CFHR2: variants seen among roughly 807,000 people sequenced by gnomAD.
CFHR2 encodes the protein complement factor H-related protein 2.
In CFHR2, 22 loss-of-function variants were observed where a neutral mutation model predicts 21.7. That is an observed-to-expected ratio of 1.01 (90% CI 0.72 to 1.45). The LOEUF (loss-of-function observed/expected upper bound fraction) is 1.45, where lower values mean the gene tolerates loss of function less well. Ranked by LOEUF, CFHR2 falls within the 40% of genes most tolerant of loss-of-function variation. The probability of loss-of-function intolerance (pLI) is 0.00; values close to 1 mark genes in which losing one functional copy is unlikely to be tolerated. For missense variants in CFHR2, 294 were observed against 293.3 expected, an observed-to-expected ratio of 1.00 and a Z score of -0.02; for synonymous variants, 98 against 97.4, an observed-to-expected ratio of 1.01 and a Z score of -0.04.
chr1:196,953,398 T>C (rs1173783259), intron 3 of CFHR2, among the ~76,000 whole-genome samples: 1 of 152,156 alleles, frequency 6.6e-6, no homozygotes, highest in South Asian at 2.1e-4. Context: ...TTCTTGTGCC[T>C]CAGCCTCCTG....
chr1:196,954,831 A>G (rs940775104), intron 3 of CFHR2, among the ~76,000 whole-genome samples: 2 of 152,246 alleles, frequency 1.3e-5, no homozygotes, highest in Non-Finnish European at 2.9e-5. Context: ...GCTAGGACTC[A>G]GCAGGGTACC....
chr1:196,949,632 C>T lies in CFHR2; in HGVS notation c.236C>T (p.Pro79Leu), dbSNP rs1174696760. ...ACGTGCGCAGAAGAAGGATGGTCAC[C>T]AACACCAAAGTGTCTCAGTGAGTAA... The part of the protein sequence containing the change: ...RITCAEEGWS[P>L]TPKCLRLCFF... The change falls in exon 2 of 5, where the codon CCA (proline) becomes CTA (leucine). Residue 79 changes from proline to leucine, a missense_variant. Physicochemically the swap from Pro to Leu is moderately conservative, Grantham distance 98. Coordinates refer to ENST00000367415, the MANE Select transcript of CFHR2 (RefSeq NM_005666.4). The T allele has an allele frequency of 2.5e-6, 4 of 1,613,698 alleles. No homozygotes were observed. The African/African-American group carries it at 5.3e-5, about 22-fold the overall frequency.
intron 3 of CFHR2, among the ~76,000 whole-genome samples, chr1:196,954,135 T>C (rs1286097801): frequency 1.3e-5 from 2 of 152,232 alleles, no homozygotes; most frequent in Non-Finnish European, 2.9e-5. Flanking sequence ...TTTGGTAAAA[T>C]TGGGAATAAT....
At chr1:196,946,653 G>T (rs1006960670) in intron 1 of CFHR2, among the ~76,000 whole-genome samples, 4 of 152,014 alleles carry the variant, frequency 2.6e-5, no homozygotes, top group African/African-American at 9.7e-5. Flanking sequence ...TTCTTCCTCC[G>T]CTCTTGTCCC....
chr1:196,947,129 A>ATGTG lies in CFHR2; in HGVS notation c.59-2304_59-2301dup, dbSNP rs60284392. ...AATATCTGTACAACTGTATATATGT[A>ATGTG]TGTGTGTGTGTGTGTGTGTGTGTGT... On this transcript the variant is annotated intron_variant, in intron 1 of 4. Transcript: ENST00000367415. 8.9e-3 allele frequency among the ~76,000 whole-genome samples: 1,316 copies of ATGTG among 148,634 alleles called. 20 individuals carry two copies. Among genetic ancestry groups the ATGTG allele is most frequent in the African/African-American group, 0.03 (1,213 of 40,728 alleles).
In CFHR2 at chr1:196,959,201, G is replaced by C; in HGVS notation, c.*121G>C. On this transcript the variant is annotated 3_prime_UTR_variant, in exon 5 of 5. Coordinates refer to ENST00000367415, the MANE Select transcript of CFHR2 (RefSeq NM_005666.4). Reference sequence around the variant, plus strand: ...TTTTTATTCATAAATAAAGTTTTGTGTTGATTTGTGAAAATGCAATTACAA... The same window carrying C: ...TTTTTATTCATAAATAAAGTTTTGTCTTGATTTGTGAAAATGCAATTACAA... 1.3e-6 allele frequency: 1 copy of C among 768,176 alleles called. No homozygotes were observed. The highest frequency in any genetic ancestry group is 2.0e-6 in the Non-Finnish European group (1 of 493,422). The allele number at this position is 768,176 out of a possible 1,614,324, so 47.6% of individuals were successfully genotyped here.
intron 1 of CFHR2, 55 bp from the exon 2 acceptor site, chr1:196,949,400 T>C: frequency 6.7e-7 from 1 of 1,489,328 alleles, no homozygotes; most frequent in East Asian, 2.3e-5. Flanking sequence ...TATAGTCTAG[T>C]GATTTATTTA....
At position 196,945,156 on chromosome 1, in the gene CFHR2, A is replaced by G. The variant is rs186050860; in HGVS notation, c.58+1218A>G. Among the ~76,000 whole-genome samples, 639 of 145,038 alleles carry G rather than the reference A, an allele frequency of 4.4e-3. 60 individuals carry two copies. Among genetic ancestry groups the G allele is most frequent in the African/African-American group, 0.014 (542 of 39,160 alleles). ...CTCCCACAGTGTTGGGATTGCAGGCATAAGCCACCACGCCTAGCCCTTGAA... is the reference window on the plus strand; with the variant it reads ...CTCCCACAGTGTTGGGATTGCAGGCGTAAGCCACCACGCCTAGCCCTTGAA... On this transcript the variant is annotated intron_variant, in intron 1 of 4. Transcript: ENST00000367415.
Position 196,949,609 on chromosome 1 carries a change from G to A in CFHR2, c.213G>A (p.Thr71=), listed in dbSNP as rs61746417. The A allele has an allele frequency of 6.3e-3, 10,141 of 1,613,874 alleles. 478 individuals are homozygous for A. The African/African-American group carries it at 0.11, about 17-fold the overall frequency. The change falls in exon 2 of 5, where the codon ACG becomes ACA. Residue 71 remains threonine, a synonymous_variant. Transcript: ENST00000367415. ...SPSKSFWTRI[T]CAEEGWSPTP... ...CAAAATCCTTTTGGACTCGCATAAC[G>A]TGCGCAGAAGAAGGATGGTCACCAA...
rs565379839 is a variant in CFHR2, at chr1:196,957,405, T to C, written c.431-486T>C. On this transcript the variant is annotated intron_variant, in intron 3 of 4. Coordinates refer to ENST00000367415, the MANE Select transcript of CFHR2 (RefSeq NM_005666.4). ...AGTTGTACTTAGCATAAGGAAAAGGTAGAAAAGTTTGTTCCTCATTTTGCC... is the reference window on the plus strand; with the variant it reads ...AGTTGTACTTAGCATAAGGAAAAGGCAGAAAAGTTTGTTCCTCATTTTGCC... Among the ~76,000 whole-genome samples, 8 of 151,250 alleles carry C rather than the reference T, an allele frequency of 5.3e-5. 1 individual carries two copies. In the South Asian group the frequency reaches 1.7e-3, roughly 32 times the overall value.
At chr1:196,947,866 T>A (rs1383771382) in intron 1 of CFHR2, among the ~76,000 whole-genome samples, 1 of 152,030 alleles carries the variant, frequency 6.6e-6, no homozygotes, top group East Asian at 1.9e-4. Context: ...GAACTTTGGG[T>A]GATAATTATA....
intron 1 of CFHR2, among the ~76,000 whole-genome samples, chr1:196,946,219 T>C (rs1301712995): frequency 6.6e-6 from 1 of 152,252 alleles, no homozygotes; most frequent in Non-Finnish European, 1.5e-5. Flanking sequence ...AGAGGTGGTA[T>C]AAACACTGTA....
intron 3 of CFHR2, among the ~76,000 whole-genome samples, chr1:196,957,345 CTTT>C (rs5779854): frequency 2.9e-5 from 4 of 140,066 alleles, no homozygotes; most frequent in Non-Finnish European, 3.1e-5. Flanking sequence ...TGTTCTTTTC[CTTT>C]TTTTTTTTTT....
chr1:196,955,872 A>T (rs1652854386), intron 3 of CFHR2, among the ~76,000 whole-genome samples: 1 of 152,124 alleles, frequency 6.6e-6, no homozygotes, highest in African/African-American at 2.4e-5. Context: ...ATAAATAAAT[A>T]AAATAGGTTT....
intron 3 of CFHR2, among the ~76,000 whole-genome samples, chr1:196,952,764 A>G (rs1394777743): frequency 6.6e-6 from 1 of 152,218 alleles, no homozygotes; most frequent in Admixed American, 6.5e-5. Context: ...TTCTGGTTCC[A>G]TTCAGTGGGT....
At chr1:196,948,711 G>A (rs140566811) in intron 1 of CFHR2, among the ~76,000 whole-genome samples, 4 of 150,756 alleles carry the variant, frequency 2.7e-5, no homozygotes, top group South Asian at 2.1e-4. Context: ...GTTTTTTTCC[G>A]AATATTTTTG....
intron 3 of CFHR2, among the ~76,000 whole-genome samples, chr1:196,954,730 T>G (rs938547999): frequency 6.6e-6 from 1 of 152,190 alleles, no homozygotes; most frequent in African/African-American, 2.4e-5. Context: ...CAACACCATG[T>G]GGAAGCTGCC....
intron 1 of CFHR2, among the ~76,000 whole-genome samples, chr1:196,948,303 T>C (rs114384425): frequency 0.023 from 3,566 of 152,230 alleles, 128 homozygotes; most frequent in African/African-American, 0.08. Context: ...AGGTAGAGTC[T>C]TGCTCTGTCG....
intron 1 of CFHR2, among the ~76,000 whole-genome samples, chr1:196,948,003 G>A (rs1558267053): frequency 6.6e-6 from 1 of 152,018 alleles, no homozygotes; most frequent in African/African-American, 2.4e-5. Context: ...AAATATGTGT[G>A]TATATATATG....
Sources: allele counts gnomAD v4.1 joint callset (sites outside exome capture counted in the v4.1 genomes callset), GRCh38; gene constraint gnomAD v4.1.1; transcripts MANE v1.5; gene names NCBI Gene and HGNC (gene_info 2026-07-23, HGNC 2026-07-21).